C12orf42: variants seen among roughly 807,000 people sequenced by gnomAD.
C12orf42 encodes the protein chromosome 12 open reading frame 42.
C12orf42 carries 25 observed loss-of-function variants against 21.6 expected under a neutral mutation model. The ratio of observed to expected loss-of-function variants is 1.16; its 90% CI spans 0.84 to 1.62. C12orf42 has a LOEUF of 1.62. Ranked by LOEUF, C12orf42 falls within the 40% of genes most tolerant of loss-of-function variation. C12orf42 has a pLI of 0.00. For missense variants in C12orf42, 483 were observed against 459.3 expected, an observed-to-expected ratio of 1.05 and a Z score of -0.47; for synonymous variants, 174 against 175.0, an observed-to-expected ratio of 0.99 and a Z score of 0.05.
At chr12:103,245,804 CCTAA>C (rs1264948364) in intron 10 of C12orf42, among the ~76,000 whole-genome samples, 7 of 152,202 alleles carry the variant, frequency 4.6e-5, no homozygotes, top group Admixed American at 4.6e-4. Context: ...CACGTATACA[CCTAA>C]CTATTGGACC....
Position 103,368,894 on chromosome 12 carries a change from A to T in C12orf42, c.252T>A (p.Asn84Lys), listed in dbSNP as rs1466530537. The T allele has an allele frequency of 6.5e-7, 1 of 1,541,844 alleles. No individual in the cohort carries two copies. The highest frequency in any genetic ancestry group is 8.9e-7 in the Non-Finnish European group (1 of 1,125,532). The change falls in exon 4 of 6, where the codon AAT becomes AAA. Residue 84 changes from asparagine (N) to lysine (K), a missense_variant. Transcript: ENST00000548883. ...SPKFRSLHFL[N>K]FPVFPERTQN... ...GATTATGTCTTAATTTACCTGGAAA[A>T]TTCAGAAAGTGTAGACTACGAAATT...
the C12orf42 span, chr12:103,168,391 C>A: frequency 4.5e-6 from 1 of 223,780 alleles, no homozygotes; most frequent in Non-Finnish European, 9.0e-6. Flanking sequence ...CTCTTTCAAT[C>A]AAGAGAGATA....
the C12orf42 span, among the ~76,000 whole-genome samples, chr12:103,156,431 G>A: frequency 6.6e-6 from 1 of 152,092 alleles, no homozygotes; most frequent in Non-Finnish European, 1.5e-5. Context: ...AGTGGGTTCT[G>A]ATTGTAAAAA....
At chr12:103,461,137 T>C (rs909735657) in intron 2 of C12orf42, among the ~76,000 whole-genome samples, 3 of 152,218 alleles carry the variant, frequency 2.0e-5, no homozygotes, top group Admixed American at 6.6e-5. Context: ...ACCCCATTTA[T>C]TGAATTATGG....
intron 3 of C12orf42, among the ~76,000 whole-genome samples, chr12:103,392,469 G>C (rs1159405312): frequency 9.9e-5 from 15 of 152,182 alleles, no homozygotes; most frequent in Admixed American, 9.8e-4. Flanking sequence ...AACATAGAAT[G>C]TCTTTCCATT....
the C12orf42 span, among the ~76,000 whole-genome samples, chr12:103,169,607 T>C: frequency 1.3e-5 from 2 of 152,290 alleles, no homozygotes; most frequent in East Asian, 3.9e-4. Flanking sequence ...ACACAATGCA[T>C]TACTTTTTCA....
chr12:103,507,094 TTA>T, the C12orf42 span, among the ~76,000 whole-genome samples: 402 of 9,808 alleles, frequency 0.041, 26 homozygotes, highest in African/African-American at 0.09. Context: ...ATAATATATA[TTA>T]TATATATAAT....
At chr12:103,383,737 C>T (rs1005011995) in intron 3 of C12orf42, among the ~76,000 whole-genome samples, 2 of 152,174 alleles carry the variant, frequency 1.3e-5, no homozygotes, top group African/African-American at 2.4e-5. Flanking sequence ...CAGAAGTTCG[C>T]CTATACTTAA....
intron 4 of C12orf42, among the ~76,000 whole-genome samples, chr12:103,286,293 TAAAG>T (rs1304777103): frequency 1.4e-5 from 2 of 144,972 alleles, no homozygotes; most frequent in African/African-American, 5.1e-5. Flanking sequence ...AATAAATAAA[TAAAG>T]TAAAAATAAA....
intron 4 of C12orf42, among the ~76,000 whole-genome samples, chr12:103,353,532 A>G (rs1488519217): frequency 6.6e-6 from 1 of 151,924 alleles, no homozygotes; most frequent in Non-Finnish European, 1.5e-5. Flanking sequence ...AAAGAGAAAG[A>G]GTGTTTATGT....
chr12:103,350,378 G>A lies in C12orf42; in HGVS notation c.259+18509C>T, dbSNP rs78023186. Among the ~76,000 whole-genome samples, 533 of 152,224 alleles carry A rather than the reference G, an allele frequency of 3.5e-3. 3 individuals are homozygous for A. Among genetic ancestry groups the A allele is most frequent in the African/African-American group, 0.012 (481 of 41,550 alleles). On this transcript the variant is annotated intron_variant, in intron 4 of 5. Coordinates refer to ENST00000548883, the MANE Select transcript of C12orf42 (RefSeq NM_198521.5). ...CCTGCCCACTAGCCACTTCCTAGTC[G>A]TCTTGGTTATCAGATCAGCTGTCAC...
chr12:103,545,111 T>C, the C12orf42 span, among the ~76,000 whole-genome samples: 1 of 152,230 alleles, frequency 6.6e-6, no homozygotes, highest in African/African-American at 2.4e-5. Flanking sequence ...GATTTTTTCC[T>C]TCCTACCAGC....
At chr12:103,077,534 G>A in the C12orf42 span, among the ~76,000 whole-genome samples, 1 of 152,180 alleles carries the variant, frequency 6.6e-6, no homozygotes, top group Non-Finnish European at 1.5e-5. Context: ...GAACCAGGCA[G>A]CTGACCCCCA....
At position 103,435,033 on chromosome 12, in the gene C12orf42, C is replaced by T. The variant is rs577135950; in HGVS notation, c.79-33358G>A. On this transcript the variant is annotated intron_variant, in intron 2 of 5. Coordinates refer to ENST00000548883, the MANE Select transcript of C12orf42 (RefSeq NM_198521.5). ...AGCTTTGAAGAGAGCAGTGGTTCTC[C>T]CAGCACGCAGCTGGAGATCTGAGAA... Among the ~76,000 whole-genome samples, 450 of 152,172 alleles carry T rather than the reference C, an allele frequency of 3.0e-3. 1 individual carries two copies. Among genetic ancestry groups the T allele is most frequent in the African/African-American group, 0.01 (431 of 41,540 alleles).
chr12:103,535,423 T>G, the C12orf42 span, among the ~76,000 whole-genome samples: 1 of 151,978 alleles, frequency 6.6e-6, no homozygotes. Flanking sequence ...CCAGCTTTTT[T>G]TTTTTAAATC....
downstream of C12orf42, among the ~76,000 whole-genome samples, chr12:103,297,386 T>C (rs1807716447): frequency 1.3e-5 from 2 of 152,082 alleles, no homozygotes; most frequent in African/African-American, 4.8e-5. Flanking sequence ...ACATACACCC[T>C]TGCAAGACTA....
the C12orf42 span, among the ~76,000 whole-genome samples, chr12:103,105,710 A>T: frequency 6.6e-6 from 1 of 151,184 alleles, no homozygotes; most frequent in Non-Finnish European, 1.5e-5. Flanking sequence ...TTAGAAGAAA[A>T]ACTACAAGGT....
the C12orf42 span, among the ~76,000 whole-genome samples, chr12:103,512,804 C>G: frequency 6.6e-6 from 1 of 151,986 alleles, no homozygotes; most frequent in Non-Finnish European, 1.5e-5. Context: ...GAGATTGAGA[C>G]CATCCTGGCC....
the C12orf42 span, among the ~76,000 whole-genome samples, chr12:103,161,955 C>T: frequency 4.6e-5 from 7 of 152,166 alleles, no homozygotes; most frequent in Non-Finnish European, 7.4e-5. Flanking sequence ...TTTCCCCTCT[C>T]GCACTCTCTT....
Sources: gnomAD v4.1 joint callset for allele counts (sites outside exome capture counted in the v4.1 genomes callset) on GRCh38, gnomAD v4.1.1 for gene constraint, MANE v1.5 for transcripts, NCBI Gene and HGNC (gene_info 2026-07-23, HGNC 2026-07-21) for gene names.